Variants in SLC25A18 observed in about 807,000 individuals in gnomAD.
SLC25A18 encodes solute carrier family 25 member 18, also known as mitochondrial glutamate carrier 2.
Under a neutral mutation model 31.1 loss-of-function variants are expected in SLC25A18, and 24 were observed. The observed-to-expected ratio is 0.77, with a 90% CI of 0.56 to 1.08. The LOEUF (loss-of-function observed/expected upper bound fraction) is 1.08, where lower values mean the gene tolerates loss of function less well. Ranked by LOEUF, SLC25A18 falls within the 50% of genes least tolerant of loss-of-function variation. The pLI is 0.00. For synonymous variants in SLC25A18, 173 were observed against 161.9 expected (o/e 1.07, Z -0.52); for missense variants, 371 against 418.5 (o/e 0.89, Z 0.99).
intron 2 of SLC25A18, among the ~76,000 whole-genome samples, chr22:17,576,769 G>C (rs1367651960): frequency 6.6e-6 from 1 of 152,174 alleles, no homozygotes; most frequent in Non-Finnish European, 1.5e-5. Context: ...GGGTAGGGAG[G>C]CTCACCCTCC....
intron 1 of SLC25A18, among the ~76,000 whole-genome samples, chr22:17,565,616 C>T (rs1027834377): frequency 1.3e-5 from 2 of 150,130 alleles, no homozygotes; most frequent in Non-Finnish European, 3.0e-5. Context: ...GCCTGTAATA[C>T]CAGCACTTTG....
In SLC25A18 at chr22:17,582,668, G is replaced by C. The variant is rs777636726; in HGVS notation, c.290+15G>C. 3 of 1,588,612 alleles carry C rather than the reference G, an allele frequency of 1.9e-6. No individual in the cohort carries two copies. Among genetic ancestry groups the C allele is most frequent in the East Asian group, 2.3e-5 (1 of 44,344 alleles). ...ATGGAAGATGGGTATGGCCAGGTGG[G>C]GTGGGGTTGGATCCTTCACTGTGTG... is the stretch of plus-strand genomic sequence containing the variant. On this transcript the variant is annotated intron_variant, in intron 6 of 10. Coordinates refer to ENST00000327451, the MANE Select transcript of SLC25A18 (RefSeq NM_031481.3).
chr22:17,581,757 C>A, intron 5 of SLC25A18: 1 of 283,920 alleles, frequency 3.5e-6, no homozygotes, highest in Admixed American at 4.8e-5. Flanking sequence ...TGGCTCCTCC[C>A]CAGCTCGGTC....
intron 7 of SLC25A18, among the ~76,000 whole-genome samples, chr22:17,584,422 A>AGAAAGAAAGAAAGAAAGAAAGAGAG (rs201926051): frequency 7.5e-6 from 1 of 134,066 alleles, no homozygotes. Context: ...AAAGAAAGAA[A>AGAAAGAAAGAAAGAAAGAAAGAGAG]GAAGGAAGGA....
intron 5 of SLC25A18, 66 bp from the exon 6 acceptor site, chr22:17,582,497 G>T: frequency 7.2e-7 from 1 of 1,395,328 alleles, no homozygotes; most frequent in African/African-American, 1.4e-5. Flanking sequence ...TAGGGCTGAA[G>T]GGCAGACCTG....
At chr22:17,573,938 T>TC (rs986808223) in intron 2 of SLC25A18, among the ~76,000 whole-genome samples, 1 of 152,216 alleles carries the variant, frequency 6.6e-6, no homozygotes, top group African/African-American at 2.4e-5. Flanking sequence ...TGTGGTATTT[T>TC]CCCCCTTAAA....
chr22:17,569,156 C>T (rs1027163124), intron 1 of SLC25A18, among the ~76,000 whole-genome samples: 24 of 151,826 alleles, frequency 1.6e-4, no homozygotes, highest in Non-Finnish European at 2.5e-4. Context: ...CTACAGGCGC[C>T]CGCCACCACG....
chr22:17,584,948 C>G (rs1345604065), intron 7 of SLC25A18, among the ~76,000 whole-genome samples: 1 of 151,832 alleles, frequency 6.6e-6, no homozygotes, highest in Non-Finnish European at 1.5e-5. Flanking sequence ...AAATTTGGCC[C>G]TTTCCTAAAT....
intron 1 of SLC25A18, among the ~76,000 whole-genome samples, chr22:17,564,632 C>T (rs185059303): frequency 1.1e-4 from 16 of 152,114 alleles, no homozygotes; most frequent in African/African-American, 3.6e-4. Context: ...GAGGCCAAGG[C>T]GGGCGGATCA....
intron 3 of SLC25A18, 58 bp downstream of exon 3, chr22:17,580,022 G>C: frequency 6.5e-7 from 1 of 1,538,334 alleles, no homozygotes. Context: ...GAGAGTCGCT[G>C]TGGTGATAGC....
chr22:17,578,137 A>G (rs527697572), intron 2 of SLC25A18, among the ~76,000 whole-genome samples: 52 of 150,890 alleles, frequency 3.4e-4, no homozygotes, highest in Non-Finnish European at 6.3e-4. Flanking sequence ...TGGCCAGCTA[A>G]TTTTTTGTAT....
At position 17,587,261 on chromosome 22, in the gene SLC25A18, C is replaced by G; in HGVS notation, c.535C>G (p.Leu179Val). Residue 179 changes from leucine (L) to valine (V), a missense_variant, in exon 8 of 11, where the codon CTG becomes GTG. Physicochemically the swap from Leu to Val is conservative, Grantham distance 32. Transcript: ENST00000327451. ...CTGGGAGCTGCTCCGCACTCAGGGCCTGGCTGGGCTCTACAGGGGCCTGGG... is the reference window on the plus strand; with the variant it reads ...CTGGGAGCTGCTCCGCACTCAGGGCGTGGCTGGGCTCTACAGGGGCCTGGG... ...IAWELLRTQG[L>V]AGLYRGLGAT... is the part of the protein sequence containing the mutation. 2 of 1,613,938 alleles carry G rather than the reference C, an allele frequency of 1.2e-6. No homozygotes were observed. The highest frequency in any genetic ancestry group is 2.7e-5 in the African/African-American group (2 of 75,062).
At chr22:17,588,508 A>T (rs2057618824) in intron 9 of SLC25A18, 1 of 181,156 alleles carries the variant, frequency 5.5e-6, no homozygotes, top group African/African-American at 2.4e-5. Flanking sequence ...AAATTAGCAG[A>T]GTGTGGTGGC....
At chr22:17,576,585 T>C (rs1390545635) in intron 2 of SLC25A18, among the ~76,000 whole-genome samples, 1 of 152,208 alleles carries the variant, frequency 6.6e-6, no homozygotes, top group East Asian at 1.9e-4. Flanking sequence ...TTTGGGGTTT[T>C]CATGGTGCTA....
intron 2 of SLC25A18, among the ~76,000 whole-genome samples, chr22:17,578,644 A>G (rs1448774306): frequency 2.0e-5 from 3 of 152,078 alleles, no homozygotes; most frequent in South Asian, 2.1e-4. Flanking sequence ...AAGCAGCCTC[A>G]CTCTGGCCAG....
At chr22:17,589,562 TA>T in intron 9 of SLC25A18, 27 bp from the exon 10 acceptor site, 2 of 1,600,094 alleles carry the variant, frequency 1.2e-6, no homozygotes, top group Non-Finnish European at 1.7e-6. Context: ...AGCTGTTCAC[TA>T]CTTACTTTAA....
intron 3 of SLC25A18, 122 bp downstream of exon 3, chr22:17,580,086 T>C (rs959481467): frequency 3.4e-6 from 3 of 891,132 alleles, no homozygotes; most frequent in Middle Eastern, 2.2e-4. Context: ...AAGACCCCTG[T>C]CCCCCATATA....
At chr22:17,582,473 G>T (rs1308195667) in intron 5 of SLC25A18, 90 bp from the exon 6 acceptor site, 6 of 1,087,434 alleles carry the variant, frequency 5.5e-6, no homozygotes, top group Non-Finnish European at 7.8e-6. Context: ...CCTTCACTCA[G>T]GGACTGGCCT....
At chr22:17,585,525 A>C (rs2057518032) in intron 7 of SLC25A18, 1 of 152,184 alleles carries the variant, frequency 6.6e-6, no homozygotes, top group South Asian at 2.1e-4. Context: ...TAATCTAAGC[A>C]AAGCTTCTCA....
Sources: allele counts gnomAD v4.1 joint callset (sites outside exome capture counted in the v4.1 genomes callset), GRCh38; gene constraint gnomAD v4.1.1; transcripts MANE v1.5; gene names NCBI Gene and HGNC (gene_info 2026-07-23, HGNC 2026-07-21).